The following PLD5 variants were observed in gnomAD, a reference collection of about 807,000 sequenced individuals.
PLD5 encodes phospholipase D family member 5.
Under a neutral mutation model 61.1 loss-of-function variants are expected in PLD5, and 36 were observed. The ratio of observed to expected loss-of-function variants is 0.59; its 90% CI spans 0.45 to 0.78. PLD5 has a LOEUF of 0.78. Ranked by LOEUF, PLD5 falls within the 30% of genes least tolerant of loss-of-function variation. The pLI is 0.00. For missense variants in PLD5, 515 were observed against 644.4 expected (o/e 0.80, Z 2.17); for synonymous variants, 243 against 242.8 (o/e 1.00, Z -0.01).
intron 1 of PLD5, among the ~76,000 whole-genome samples, chr1:242,473,888 GT>G (rs922884677): frequency 6.6e-6 from 1 of 152,106 alleles, no homozygotes; most frequent in Non-Finnish European, 1.5e-5. Flanking sequence ...GTACCACTGA[GT>G]TTTTTTAAAA....
intron 5 of PLD5, among the ~76,000 whole-genome samples, chr1:242,212,719 A>G (rs1669910629): frequency 6.6e-6 from 1 of 152,232 alleles, no homozygotes. Flanking sequence ...TCAGCTCTCC[A>G]GCTCTCCGGC....
intron 1 of PLD5, among the ~76,000 whole-genome samples, chr1:242,512,071 G>A (rs971671922): frequency 1.3e-5 from 2 of 152,098 alleles, no homozygotes; most frequent in African/African-American, 4.8e-5. Context: ...CAGAAAGTCA[G>A]AGTAGAAGAT....
At chr1:242,182,032 A>G (rs984109081) in intron 5 of PLD5, among the ~76,000 whole-genome samples, 1 of 152,212 alleles carries the variant, frequency 6.6e-6, no homozygotes, top group Non-Finnish European at 1.5e-5. Flanking sequence ...TTCTTTGCCA[A>G]TGTACATATA....
chr1:242,219,393 T>C lies in PLD5; in HGVS notation c.735+595A>G, dbSNP rs183799041. On this transcript the variant is annotated intron_variant, in intron 5 of 9. Coordinates refer to ENST00000536534, the MANE Select transcript of PLD5 (RefSeq NM_001372062.1). ...GATTTAAAAAGATGTTCTGAGAAGG[T>C]TGGCTAGTCTTCCTAAGCATCCAAT... Among the ~76,000 whole-genome samples, 1,150 of 152,152 alleles carry C rather than the reference T, an allele frequency of 7.6e-3. 13 individuals are homozygous for C. The highest frequency in any genetic ancestry group is 0.013 in the Non-Finnish European group (857 of 67,984).
intron 5 of PLD5, among the ~76,000 whole-genome samples, chr1:242,140,644 GAAT>G (rs2148788448): frequency 6.6e-6 from 1 of 152,190 alleles, no homozygotes; most frequent in African/African-American, 2.4e-5. Context: ...GTCCAAAAAT[GAAT>G]AAATAAATCA....
At chr1:242,472,648 G>A (rs147760933) in intron 1 of PLD5, among the ~76,000 whole-genome samples, 25 of 152,228 alleles carry the variant, frequency 1.6e-4, no homozygotes, top group African/African-American at 4.3e-4. Context: ...TGCAGCAGTC[G>A]CTTTGGCTTG....
At chr1:242,451,992 T>C (rs1030597960) in intron 1 of PLD5, among the ~76,000 whole-genome samples, 2 of 152,130 alleles carry the variant, frequency 1.3e-5, no homozygotes, top group East Asian at 1.9e-4. Flanking sequence ...TGGTTTTTAT[T>C]GTTGTCCCCA....
At chr1:242,402,255 C>T (rs762114013) in intron 1 of PLD5, among the ~76,000 whole-genome samples, 3 of 152,150 alleles carry the variant, frequency 2.0e-5, no homozygotes, top group Non-Finnish European at 4.4e-5. Context: ...ACAGTTTTAT[C>T]ACTTCCACCA....
intron 5 of PLD5, among the ~76,000 whole-genome samples, chr1:242,143,454 A>G (rs1160396089): frequency 1.3e-5 from 2 of 152,246 alleles, no homozygotes; most frequent in Non-Finnish European, 2.9e-5. Context: ...CTGGTGAATT[A>G]AGTGGATATG....
chr1:242,530,234 G>A, the PLD5 span, among the ~76,000 whole-genome samples: 4 of 152,258 alleles, frequency 2.6e-5, no homozygotes, highest in East Asian at 1.9e-4. Flanking sequence ...CCTGGTTGTC[G>A]TGTTGGCTCA....
rs1558233068 is a variant in PLD5 at position 242,112,335 on chromosome 1, ATGT to A, written c.1070+1552_1070+1554del. Among the ~76,000 whole-genome samples the A allele has an allele frequency of 2.3e-3, 92 of 40,270 alleles. 4 individuals are homozygous for A. The South Asian group carries it at 0.11, about 47-fold the overall frequency. 26.4% of individuals were successfully genotyped at this position (40,270 alleles called of 152,430 possible). A position where few individuals can be genotyped will look rare whatever the true frequency, so the allele number is the denominator to read the frequency against. ...TGTGTGTGTGTGTGTATGTATGTAT[ATGT>A]GTATATATATATATAGATGGAGTCT... On this transcript the variant is annotated intron_variant, in intron 7 of 9. Coordinates refer to ENST00000536534, the MANE Select transcript of PLD5 (RefSeq NM_001372062.1).
intron 4 of PLD5, among the ~76,000 whole-genome samples, chr1:242,262,114 A>C (rs1248564739): frequency 1.3e-5 from 2 of 152,272 alleles, no homozygotes; most frequent in Non-Finnish European, 2.9e-5. Context: ...TATTATATTC[A>C]TAAAATGGAA....
chr1:242,140,361 A>G (rs1558263890), intron 5 of PLD5, among the ~76,000 whole-genome samples: 1 of 152,180 alleles, frequency 6.6e-6, no homozygotes, highest in Non-Finnish European at 1.5e-5. Context: ...ATACTTTCTG[A>G]GGCTGGGCAC....
chr1:242,328,293 G>GTATGTTCTACATATA (rs66548988), intron 2 of PLD5, among the ~76,000 whole-genome samples: 1 of 151,024 alleles, frequency 6.6e-6, no homozygotes, highest in African/African-American at 2.5e-5. Flanking sequence ...ATATATGTAT[G>GTATGTTCTACATATA]TATGTTCTAC....
intron 1 of PLD5, among the ~76,000 whole-genome samples, chr1:242,411,968 G>A (rs1226668941): frequency 6.6e-6 from 1 of 152,024 alleles, no homozygotes; most frequent in Non-Finnish European, 1.5e-5. Flanking sequence ...AGGGAGCTGT[G>A]AGACCAATGG....
intron 1 of PLD5, among the ~76,000 whole-genome samples, chr1:242,386,083 T>A (rs2149260140): frequency 6.6e-6 from 1 of 152,256 alleles, no homozygotes; most frequent in Non-Finnish European, 1.5e-5. Flanking sequence ...CTTCACATCA[T>A]CTTCCCCCTA....
intron 5 of PLD5, among the ~76,000 whole-genome samples, chr1:242,161,734 G>A (rs781050881): frequency 6.6e-6 from 1 of 151,444 alleles, no homozygotes. Flanking sequence ...TGAAGATCTC[G>A]TCCAGAAGTA....
chr1:242,106,370 C>A (rs983422339), intron 8 of PLD5, among the ~76,000 whole-genome samples: 3 of 152,178 alleles, frequency 2.0e-5, no homozygotes, highest in Non-Finnish European at 4.4e-5. Flanking sequence ...TGCATTTTCT[C>A]CCTTGTGGGA....
intron 5 of PLD5, among the ~76,000 whole-genome samples, chr1:242,195,730 G>A (rs1225453018): frequency 1.3e-5 from 2 of 152,150 alleles, no homozygotes; most frequent in African/African-American, 4.8e-5. Context: ...GGCAGTAACA[G>A]GAATTCAGGA....
Sources: gnomAD v4.1 joint callset for allele counts (sites outside exome capture counted in the v4.1 genomes callset) on GRCh38, gnomAD v4.1.1 for gene constraint, MANE v1.5 for transcripts, NCBI Gene and HGNC (gene_info 2026-07-23, HGNC 2026-07-21) for gene names.